The following LRP1B variants were observed in gnomAD, a reference collection of about 807,000 sequenced individuals.
LRP1B encodes low-density lipoprotein receptor-related protein 1B.
LRP1B carries 217 observed loss-of-function variants against 556.6 expected under a neutral mutation model. That is an observed-to-expected ratio of 0.39 (90% CI 0.35 to 0.44). LRP1B has a LOEUF of 0.44. Ranked by LOEUF, LRP1B falls within the 20% of genes least tolerant of loss-of-function variation. The probability of loss-of-function intolerance (pLI) is 1.00; values close to 1 mark genes in which losing one functional copy is unlikely to be tolerated. For synonymous variants in LRP1B, 2,047 were observed against 1,865.8 expected (o/e 1.10, Z -2.50); for missense variants, 5,053 against 5,620.8 (o/e 0.90, Z 3.23).
rs573823397 is a variant in LRP1B, at chr2:142,127,628, T to A, written c.82+3020A>T. Among the ~76,000 whole-genome samples, 23 of 152,146 alleles carry A rather than the reference T, an allele frequency of 1.5e-4. No homozygotes were observed. In the South Asian group the frequency reaches 4.8e-3, roughly 32 times the overall value. On this transcript the variant is annotated intron_variant, in intron 1 of 90. Transcript: ENST00000389484. ...TAGCAACCTCTTCAAAACAAAACTT[T>A]AATGTTATTTGTGGCATATGAAGAG...
intron 21 of LRP1B, among the ~76,000 whole-genome samples, chr2:140,918,950 C>T (rs1418744672): frequency 6.6e-6 from 1 of 151,930 alleles, no homozygotes; most frequent in Admixed American, 6.6e-5. Flanking sequence ...CATTTTCCAC[C>T]TTTTCCTATT....
At chr2:141,291,684 G>T (rs190121301) in intron 3 of LRP1B, among the ~76,000 whole-genome samples, 2 of 151,646 alleles carry the variant, frequency 1.3e-5, no homozygotes, top group African/African-American at 4.8e-5. Context: ...GTGAAACCCC[G>T]TCTCTACTGA....
At chr2:141,341,333 T>C (rs1171626106) in intron 3 of LRP1B, among the ~76,000 whole-genome samples, 1 of 152,218 alleles carries the variant, frequency 6.6e-6, no homozygotes, top group African/African-American at 2.4e-5. Context: ...AGGGATTTTT[T>C]TTATCTTGAA....
chr2:141,058,906 T>G lies in LRP1B; in HGVS notation c.1385A>C (p.Tyr462Ser). ...KIENAWGIRI[Y>S]QKRTQPTVRS... ...ACCTGTTGGTTGAGTTCTTTTTTGA[T>G]AAATTCGGATTCCCCAAGCATTCTC... The change falls in exon 9 of 91, where the codon TAT becomes TCT. Residue 462 changes from tyrosine to serine, a missense_variant. Coordinates refer to ENST00000389484, the MANE Select transcript of LRP1B (RefSeq NM_018557.3). 1 of 1,590,214 alleles carries G rather than the reference T, an allele frequency of 6.3e-7. No homozygotes were observed. Among genetic ancestry groups the G allele is most frequent in the African/African-American group, 1.4e-5 (1 of 73,496 alleles).
rs569945198 is a variant in LRP1B at position 140,579,324 on chromosome 2, T to C, written c.7194+19307A>G. 2.5e-4 allele frequency among the ~76,000 whole-genome samples: 38 copies of C among 152,198 alleles called. 1 individual carries two copies. Among genetic ancestry groups the C allele is most frequent in the African/African-American group, 6.7e-4 (28 of 41,530 alleles). On this transcript the variant is annotated intron_variant, in intron 43 of 90. Transcript: ENST00000389484. ...AAAATTAGATCAGTAGCTTTTTTTT[T>C]AGCTAATTTCTCTGATCTGAAAGGA...
At chr2:141,200,057 A>G (rs1681936089) in intron 6 of LRP1B, among the ~76,000 whole-genome samples, 3 of 152,196 alleles carry the variant, frequency 2.0e-5, no homozygotes, top group Admixed American at 2.0e-4. Flanking sequence ...CATTGGACCC[A>G]GCAATCCCAT....
chr2:140,696,419 T>C (rs1686432028), intron 41 of LRP1B, among the ~76,000 whole-genome samples: 1 of 152,172 alleles, frequency 6.6e-6, no homozygotes, highest in African/African-American at 2.4e-5. Context: ...ACAGACTAAT[T>C]ATATTTTTTA....
intron 18 of LRP1B, among the ~76,000 whole-genome samples, chr2:140,978,991 T>G (rs1696685652): frequency 6.6e-6 from 1 of 152,148 alleles, no homozygotes; most frequent in Non-Finnish European, 1.5e-5. Context: ...TTTATTTTAT[T>G]TTTTTGAGAT....
chr2:141,797,804 C>T (rs1055830313), intron 2 of LRP1B, among the ~76,000 whole-genome samples: 11 of 152,084 alleles, frequency 7.2e-5, no homozygotes, highest in South Asian at 6.2e-4. Flanking sequence ...CCATAACTTA[C>T]GGCATATTAT....
chr2:142,042,586 A>G (rs1704100691), intron 1 of LRP1B, among the ~76,000 whole-genome samples: 1 of 151,504 alleles, frequency 6.6e-6, no homozygotes, highest in African/African-American at 2.4e-5. Context: ...ACAGCAATAA[A>G]AAAGGGACAA....
chr2:141,116,565 C>T (rs554424667), intron 7 of LRP1B, among the ~76,000 whole-genome samples: 1 of 152,196 alleles, frequency 6.6e-6, no homozygotes, highest in Non-Finnish European at 1.5e-5. Flanking sequence ...AGTAGGCTCG[C>T]CATCCCCATG....
At chr2:140,832,676 G>A (rs1469705552) in intron 31 of LRP1B, among the ~76,000 whole-genome samples, 1 of 152,112 alleles carries the variant, frequency 6.6e-6, no homozygotes, top group Admixed American at 6.6e-5. Context: ...CCACATATAT[G>A]GAAGCTAAAA....
At chr2:140,520,875 G>T (rs1235161478) in intron 49 of LRP1B, among the ~76,000 whole-genome samples, 1 of 146,356 alleles carries the variant, frequency 6.8e-6, no homozygotes. Flanking sequence ...CAGAACTTTT[G>T]GAATTAAAAA....
intron 7 of LRP1B, among the ~76,000 whole-genome samples, chr2:141,095,974 C>T (rs539462743): frequency 7.9e-5 from 12 of 152,026 alleles, no homozygotes; most frequent in African/African-American, 2.7e-4. Context: ...TCTACTATAC[C>T]GTATTCTCAT....
intron 7 of LRP1B, among the ~76,000 whole-genome samples, chr2:141,095,193 T>C (rs2104920878): frequency 6.6e-6 from 1 of 151,748 alleles, no homozygotes; most frequent in South Asian, 2.1e-4. Context: ...AGTAAATTTC[T>C]ATTTATTAAA....
At chr2:140,949,961 A>G (rs796571466) in intron 20 of LRP1B, among the ~76,000 whole-genome samples, 4,573 of 90,860 alleles carry the variant, frequency 0.05, 122 homozygotes, top group South Asian at 0.12. Context: ...AAAAAAAAAA[A>G]AAAGAAAAAA....
rs78364175 is a variant in LRP1B, at chr2:141,671,640, A to C, written c.205+138639T>G. On this transcript the variant is annotated intron_variant, in intron 2 of 90. Coordinates refer to ENST00000389484, the MANE Select transcript of LRP1B (RefSeq NM_018557.3). ...CATCAACATACCATTGCATTCTTCT[A>C]GATTTTTTTCTGATGCTAACTCTGA... Among the ~76,000 whole-genome samples the C allele has an allele frequency of 1.6e-3, 244 of 152,308 alleles. 5 individuals carry two copies. In the East Asian group the frequency reaches 0.037, roughly 23 times the overall value.
intron 15 of LRP1B, among the ~76,000 whole-genome samples, chr2:140,998,221 A>G (rs918306208): frequency 1.3e-5 from 2 of 152,036 alleles, no homozygotes; most frequent in Non-Finnish European, 2.9e-5. Flanking sequence ...TGTTTTTGCA[A>G]TGTTCAAGTT....
At chr2:141,894,668 GATCTAGATCTAGATCTAGATCGA>G (rs1699390298) in intron 1 of LRP1B, among the ~76,000 whole-genome samples, 2 of 20,494 alleles carry the variant, frequency 9.8e-5, no homozygotes, top group Non-Finnish European at 2.3e-4. Context: ...TCTAGATCTA[GATCTAGATCTAGATCTAGATCGA>G]ATTTAGGTGG....
Sources: allele counts gnomAD v4.1 joint callset (sites outside exome capture counted in the v4.1 genomes callset), GRCh38; gene constraint gnomAD v4.1.1; transcripts MANE v1.5; gene names NCBI Gene and HGNC (gene_info 2026-07-23, HGNC 2026-07-21).